CDH4: variants seen among roughly 807,000 people sequenced by gnomAD.
CDH4 encodes cadherin-4.
CDH4 carries 33 observed loss-of-function variants against 86.0 expected under a neutral mutation model. The observed-to-expected ratio is 0.38, with a 90% CI of 0.29 to 0.51. The LOEUF is 0.51. Ranked by LOEUF, CDH4 falls within the 20% of genes least tolerant of loss-of-function variation. The pLI, the probability that CDH4 is intolerant of heterozygous loss-of-function variation, is 0.86. For missense variants in CDH4, 1,114 were observed against 1,307.4 expected, an observed-to-expected ratio of 0.85 and a Z score of 2.28; for synonymous variants, 555 against 549.4, an observed-to-expected ratio of 1.01 and a Z score of -0.14.
chr20:61,634,758 C>T (rs1307466921), intron 2 of CDH4, among the ~76,000 whole-genome samples: 1 of 152,218 alleles, frequency 6.6e-6, no homozygotes, highest in African/African-American at 2.4e-5. Context: ...TCACCTCCTC[C>T]AGAATTCTTT....
intron 4 of CDH4, among the ~76,000 whole-genome samples, chr20:61,832,261 C>G (rs550735871): frequency 6.6e-6 from 1 of 152,326 alleles, no homozygotes; most frequent in East Asian, 1.9e-4. Context: ...AGCTCAAGGG[C>G]TTGTGAGCTG....
At chr20:61,863,930 T>C (rs959097189) in intron 6 of CDH4, among the ~76,000 whole-genome samples, 11 of 121,542 alleles carry the variant, frequency 9.1e-5, no homozygotes, top group African/African-American at 3.1e-4. Flanking sequence ...CTGCCTCAGC[T>C]TCAGCTTAGC....
At chr20:61,415,807 C>A (rs1431864635) in intron 2 of CDH4, among the ~76,000 whole-genome samples, 2 of 152,060 alleles carry the variant, frequency 1.3e-5, no homozygotes, top group African/African-American at 2.4e-5. Context: ...TCAAGCAATT[C>A]TTGTGTCTTA....
At chr20:61,745,555 T>C (rs1052765046) in intron 3 of CDH4, among the ~76,000 whole-genome samples, 26 of 152,208 alleles carry the variant, frequency 1.7e-4, no homozygotes, top group Non-Finnish European at 3.1e-4. Context: ...CTAACGGCAG[T>C]GGCCCCCAAA....
At chr20:61,791,609 G>A (rs774987597) in intron 4 of CDH4, among the ~76,000 whole-genome samples, 4 of 152,212 alleles carry the variant, frequency 2.6e-5, no homozygotes, top group African/African-American at 4.8e-5. Flanking sequence ...GAACAGATGG[G>A]AGGAGAAGAA....
rs1038270501 is a variant in CDH4, at chr20:61,527,760, G to A, written c.170-215803G>A. 3.3e-5 allele frequency among the ~76,000 whole-genome samples: 5 copies of A among 152,042 alleles called. No homozygotes were observed. The East Asian group carries it at 5.8e-4, about 18-fold the overall frequency. ...AGTGAGGGCCTTGTGGAGACGTCTC[G>A]TGGTTCTGGTTTCCTCCCCTTCCAG... On this transcript the variant is annotated intron_variant, in intron 2 of 15. Transcript: ENST00000614565.
At chr20:61,495,072 A>G (rs1020656891) in intron 2 of CDH4, among the ~76,000 whole-genome samples, 4 of 152,234 alleles carry the variant, frequency 2.6e-5, no homozygotes, top group African/African-American at 9.6e-5. Context: ...GGGGCAGGAG[A>G]ACAAGGGCAG....
Position 61,851,645 on chromosome 20 carries a change from C to T in CDH4, c.733-1109C>T, listed in dbSNP as rs139444009. On this transcript the variant is annotated intron_variant, in intron 5 of 15. Coordinates refer to ENST00000614565, the MANE Select transcript of CDH4 (RefSeq NM_001794.5). ...TGAGCTGAGGACACCTCTGGCTGAC[C>T]ATCCAGCTCTGGGTGGAGAGGCCTC... is the stretch of plus-strand genomic sequence containing the variant. Among the ~76,000 whole-genome samples, 823 of 152,338 alleles carry T rather than the reference C, an allele frequency of 5.4e-3. 2 individuals are homozygous for T. Among genetic ancestry groups the T allele is most frequent in the South Asian group, 0.016 (77 of 4,834 alleles).
chr20:61,627,833 C>T (rs1040823483), intron 2 of CDH4, among the ~76,000 whole-genome samples: 1 of 152,004 alleles, frequency 6.6e-6, no homozygotes, highest in East Asian at 1.9e-4. Context: ...CTGTGAGAGG[C>T]GGCCACTTCT....
intron 13 of CDH4, among the ~76,000 whole-genome samples, chr20:61,932,458 C>T (rs577739826): frequency 6.6e-6 from 1 of 152,132 alleles, no homozygotes; most frequent in Non-Finnish European, 1.5e-5. Flanking sequence ...GTACTATGGA[C>T]ATGAACACAT....
chr20:61,594,885 C>A (rs993553160), intron 2 of CDH4, among the ~76,000 whole-genome samples: 1 of 152,242 alleles, frequency 6.6e-6, no homozygotes, highest in South Asian at 2.1e-4. Context: ...GCTTTACTTT[C>A]ATTATCTCAT....
chr20:61,331,653 A>AGGCTCACCTCCTGCCCCG (rs2084578469), intron 2 of CDH4, among the ~76,000 whole-genome samples: 254 of 22,356 alleles, frequency 0.011, no homozygotes, highest in Middle Eastern at 0.019. Context: ...CTCCCGCCCC[A>AGGCTCACCTCCTGCCCCG]GCCACCTGCC....
chr20:61,418,356 T>G (rs909134540), intron 2 of CDH4, among the ~76,000 whole-genome samples: 4 of 151,824 alleles, frequency 2.6e-5, no homozygotes, highest in African/African-American at 7.3e-5. Flanking sequence ...GACTACAGGC[T>G]CCCGCCACCA....
chr20:61,883,936 A>AC (rs1351727342), intron 7 of CDH4, among the ~76,000 whole-genome samples: 1 of 151,496 alleles, frequency 6.6e-6, no homozygotes, highest in Non-Finnish European at 1.5e-5. Context: ...CAGCATCCCC[A>AC]CCCCCCAACC....
rs954380248 is a variant in CDH4 at position 61,393,184 on chromosome 20, T to C, written c.169+138247T>C. Reference sequence around the variant, plus strand: ...TTTATACAGAGCAGTCTTGGTGACATTGACAACACTGTTTAATCGGTCCTC... The same window carrying C: ...TTTATACAGAGCAGTCTTGGTGACACTGACAACACTGTTTAATCGGTCCTC... On this transcript the variant is annotated intron_variant, in intron 2 of 15. Coordinates refer to ENST00000614565, the MANE Select transcript of CDH4 (RefSeq NM_001794.5). The surrounding 1 kb of genome is among the most constrained non-coding windows in gnomAD (Gnocchi z 4.3). 1.3e-5 allele frequency among the ~76,000 whole-genome samples: 2 copies of C among 152,184 alleles called. No individual in the cohort carries two copies. The highest frequency in any genetic ancestry group is 2.4e-5 in the African/African-American group (1 of 41,448).
At position 61,361,111 on chromosome 20, in the gene CDH4, G is replaced by A. The variant is rs111394015; in HGVS notation, c.169+106174G>A. ...GTCATAGAGTTGGGAAGGGAGCGAC[G>A]TGGAGACGACTTGGCTGGGGAGCCT... On this transcript the variant is annotated intron_variant, in intron 2 of 15. Coordinates refer to ENST00000614565, the MANE Select transcript of CDH4 (RefSeq NM_001794.5). Among the ~76,000 whole-genome samples, 323 of 152,290 alleles carry A rather than the reference G, an allele frequency of 2.1e-3. 1 individual carries two copies. Among genetic ancestry groups the A allele is most frequent in the African/African-American group, 7.5e-3 (311 of 41,572 alleles).
At chr20:61,613,368 G>A (rs1485285832) in intron 2 of CDH4, among the ~76,000 whole-genome samples, 1 of 152,090 alleles carries the variant, frequency 6.6e-6, no homozygotes, top group African/African-American at 2.4e-5. Context: ...GTTCTTGCCA[G>A]ATCTGGCCCA....
intron 4 of CDH4, among the ~76,000 whole-genome samples, chr20:61,827,354 A>T (rs1266539735): frequency 6.6e-6 from 1 of 152,254 alleles, no homozygotes; most frequent in African/African-American, 2.4e-5. Context: ...AAGAAAAATC[A>T]TAACTACTTT....
At chr20:61,898,511 G>A (rs564810561) in intron 8 of CDH4, among the ~76,000 whole-genome samples, 2 of 152,276 alleles carry the variant, frequency 1.3e-5, no homozygotes, top group South Asian at 4.1e-4. Flanking sequence ...GGGTCCTGCA[G>A]TGAAGTTCTC....
Sources: gnomAD v4.1 joint callset for allele counts (sites outside exome capture counted in the v4.1 genomes callset) on GRCh38, gnomAD v4.1.1 for gene constraint, Gnocchi (gnomAD v3.1) non-coding constraint, MANE v1.5 for transcripts, NCBI Gene and HGNC (gene_info 2026-07-23, HGNC 2026-07-21) for gene names.